SMAGP: variants seen among roughly 807,000 people sequenced by gnomAD.
SMAGP encodes small cell transmembrane and glycosylated protein.
In SMAGP, 7 loss-of-function variants were observed where a neutral mutation model predicts 10.1. The observed-to-expected ratio is 0.70, with a 90% CI of 0.40 to 1.31. The LOEUF (loss-of-function observed/expected upper bound fraction) is 1.31. Ranked by LOEUF, SMAGP falls within the 50% of genes most tolerant of loss-of-function variation. The probability of loss-of-function intolerance (pLI) is 0.01; values close to 1 mark genes in which losing one functional copy is unlikely to be tolerated. For missense variants in SMAGP, 113 were observed against 116.5 expected, an observed-to-expected ratio of 0.97 and a Z score of 0.14; for synonymous variants, 49 against 47.2, an observed-to-expected ratio of 1.04 and a Z score of -0.16.
At chr12:51,254,832 C>T (rs941478842) in intron 2 of SMAGP, among the ~76,000 whole-genome samples, 1 of 152,036 alleles carries the variant, frequency 6.6e-6, no homozygotes, top group African/African-American at 2.4e-5. Flanking sequence ...TGAAAAACAC[C>T]CCGGGGCCAG....
rs1944758626 is a variant in SMAGP, at chr12:51,245,692, T to C, written c.*249A>G. On this transcript the variant is annotated 3_prime_UTR_variant, in exon 4 of 4. Coordinates refer to ENST00000603798, the MANE Select transcript of SMAGP (RefSeq NM_001031628.2). ...TCAGATGTCCCCTGGCATAGCCACA[T>C]CTTGTTGGCCAGTCACAAACACCAG... 2 of 456,068 alleles carry C rather than the reference T, an allele frequency of 4.4e-6. No individual in the cohort carries two copies. Among genetic ancestry groups the C allele is most frequent in the East Asian group, 6.8e-5 (2 of 29,244 alleles). 28.3% of individuals were successfully genotyped at this position (456,068 alleles called of 1,614,324 possible).
intron 2 of SMAGP, among the ~76,000 whole-genome samples, chr12:51,268,578 CTT>C (rs1555167774): frequency 1.5e-4 from 6 of 39,340 alleles, no homozygotes; most frequent in Non-Finnish European, 2.4e-4. Flanking sequence ...TCCTTCCTTC[CTT>C]TCCTTTCCTC....
At chr12:51,260,604 T>C (rs905261077) in intron 2 of SMAGP, among the ~76,000 whole-genome samples, 16 of 149,712 alleles carry the variant, frequency 1.1e-4, no homozygotes, top group Non-Finnish European at 1.6e-4. Flanking sequence ...GGTCTCAATC[T>C]CCTGACCTCG....
intron 2 of SMAGP, among the ~76,000 whole-genome samples, chr12:51,258,619 G>T (rs1212313745): frequency 6.6e-6 from 1 of 151,192 alleles, no homozygotes; most frequent in African/African-American, 2.4e-5. Context: ...GAAAAGAAAA[G>T]ATTATTTATA....
chr12:51,257,759 G>A (rs934659590), intron 2 of SMAGP, among the ~76,000 whole-genome samples: 6 of 152,058 alleles, frequency 3.9e-5, no homozygotes, highest in African/African-American at 1.2e-4. Flanking sequence ...TGGCCAGGCT[G>A]GTCTCGAACT....
At position 51,245,716 on chromosome 12, in the gene SMAGP, A is replaced by T; in HGVS notation, c.*225T>A. 1 of 495,602 alleles carries T rather than the reference A, an allele frequency of 2.0e-6. No individual in the cohort carries two copies. Among genetic ancestry groups the T allele is most frequent in the Non-Finnish European group, 3.6e-6 (1 of 276,114 alleles). The allele number at this position is 495,602 out of a possible 1,614,324, so 30.7% of individuals were successfully genotyped here. On this transcript the variant is annotated 3_prime_UTR_variant, in exon 4 of 4. Transcript: ENST00000603798. ...ATCTTGTTGGCCAGTCACAAACACC[A>T]GCTCTAGTAAGAGGGCCTGGTTAAA...
intron 2 of SMAGP, among the ~76,000 whole-genome samples, chr12:51,248,389 T>G (rs1414159917): frequency 6.6e-6 from 1 of 150,988 alleles, no homozygotes; most frequent in Non-Finnish European, 1.5e-5. Flanking sequence ...GAATGGTTAC[T>G]GTGGTGTTTT....
At chr12:51,263,278 G>A (rs188898103) in intron 2 of SMAGP, among the ~76,000 whole-genome samples, 25 of 151,974 alleles carry the variant, frequency 1.6e-4, no homozygotes, top group African/African-American at 5.8e-4. Flanking sequence ...AGCTACTCGG[G>A]AGGCTGAGGC....
chr12:51,246,762 G>A lies in SMAGP; in HGVS notation c.104C>T (p.Ala35Val). 1 of 1,586,368 alleles carries A rather than the reference G, an allele frequency of 6.3e-7. No individual in the cohort carries two copies. Among genetic ancestry groups the A allele is most frequent in the Non-Finnish European group, 8.6e-7 (1 of 1,166,594 alleles). The change falls in exon 3 of 4, where the codon GCA (alanine) becomes GTA (valine). Residue 35 changes from alanine (A) to valine (V), a missense_variant. Physicochemically the swap from Ala to Val is moderately conservative, Grantham distance 64 (BLOSUM62 0). Transcript: ENST00000603798. ...ALSPEDGAST[A>V]LIAVVITVVF... is the part of the protein sequence containing the mutation. ...TCAGAGTCTATTACCTGCAATGAGT[G>A]CTGTGCTGGCTCCATCTTCTGGGGA...
At chr12:51,246,638 G>A (rs1944775909) in intron 3 of SMAGP, 113 bp downstream of exon 3, 3 of 629,518 alleles carry the variant, frequency 4.8e-6, no homozygotes, top group South Asian at 2.4e-5. Context: ...GTGTGTGTGT[G>A]TAATATAACT....
chr12:51,246,268 C>A (rs1237944695), intron 3 of SMAGP, 149 bp from the exon 4 acceptor site: 18 of 1,132,426 alleles, frequency 1.6e-5, no homozygotes, highest in South Asian at 1.7e-5. Context: ...CATGTTCCCC[C>A]ACCAACCCCA....
At chr12:51,262,365 A>T (rs1944939265) in intron 2 of SMAGP, among the ~76,000 whole-genome samples, 1 of 152,148 alleles carries the variant, frequency 6.6e-6, no homozygotes, top group Non-Finnish European at 1.5e-5. Flanking sequence ...CTGTGATCCC[A>T]GCTACTTGGG....
At chr12:51,265,969 C>G (rs1944970541) in intron 2 of SMAGP, among the ~76,000 whole-genome samples, 1 of 151,954 alleles carries the variant, frequency 6.6e-6, no homozygotes, top group Admixed American at 6.6e-5. Flanking sequence ...GTAGTCCCAG[C>G]TACTCGGGAA....
At chr12:51,250,032 G>C (rs1403550691) in intron 2 of SMAGP, among the ~76,000 whole-genome samples, 1 of 151,912 alleles carries the variant, frequency 6.6e-6, no homozygotes, top group East Asian at 1.9e-4. Context: ...TCATATAGTA[G>C]CTACTACTTA....
chr12:51,248,409 C>CACACACACACACAG (rs1944800389), intron 2 of SMAGP, among the ~76,000 whole-genome samples: 1 of 107,854 alleles, frequency 9.3e-6, no homozygotes, highest in Non-Finnish European at 1.9e-5. Flanking sequence ...TACACACACA[C>CACACACACACACAG]ACACACACAC....
intron 2 of SMAGP, among the ~76,000 whole-genome samples, chr12:51,248,466 T>TCTCTCTCTCTCTCTCTCTCTCTCTCTCA (rs1944805919): frequency 7.0e-6 from 1 of 142,756 alleles, no homozygotes; most frequent in African/African-American, 2.5e-5. Context: ...TCTCTCTCTC[T>TCTCTCTCTCTCTCTCTCTCTCTCTCTCA]CTCTCTCTCT....
At chr12:51,246,185 T>C (rs1416859822) in intron 3 of SMAGP, 66 bp from the exon 4 acceptor site, 2 of 1,573,770 alleles carry the variant, frequency 1.3e-6, no homozygotes, top group Non-Finnish European at 1.7e-6. Context: ...GTTCCTGGAG[T>C]CATCTGATTT....
At chr12:51,260,537 C>T (rs1475629816) in intron 2 of SMAGP, among the ~76,000 whole-genome samples, 4 of 151,626 alleles carry the variant, frequency 2.6e-5, no homozygotes, top group African/African-American at 9.7e-5. Flanking sequence ...CCACCACGCC[C>T]GGCTAATTTT....
intron 2 of SMAGP, among the ~76,000 whole-genome samples, chr12:51,252,110 T>TC (rs397732116): frequency 1.3e-5 from 2 of 151,662 alleles, no homozygotes; most frequent in Non-Finnish European, 2.9e-5. Context: ...TTTTTTTTTT[T>TC]CCAGACAGAG....
Sources: allele counts gnomAD v4.1 joint callset (sites outside exome capture counted in the v4.1 genomes callset), GRCh38; gene constraint gnomAD v4.1.1; transcripts MANE v1.5; gene names NCBI Gene and HGNC (gene_info 2026-07-23, HGNC 2026-07-21).